The following CNTN1 variants were observed in gnomAD, a reference collection of about 807,000 sequenced individuals.
The protein encoded by CNTN1 is contactin-1.
Under a neutral mutation model 126.4 loss-of-function variants are expected in CNTN1, and 38 were observed. That is an observed-to-expected ratio of 0.30 (90% CI 0.23 to 0.39). The LOEUF (loss-of-function observed/expected upper bound fraction) is 0.39, where lower values mean the gene tolerates loss of function less well. CNTN1 is among the 10% of genes least tolerant of loss of function. The pLI, the probability that CNTN1 is intolerant of heterozygous loss-of-function variation, is 1.00. For missense variants in CNTN1, 1,009 were observed against 1,248.4 expected, an observed-to-expected ratio of 0.81 and a Z score of 2.89; for synonymous variants, 413 against 422.6, an observed-to-expected ratio of 0.98 and a Z score of 0.28.
chr12:41,042,843 C>T (rs947548506), intron 23 of CNTN1, among the ~76,000 whole-genome samples: 6 of 151,948 alleles, frequency 3.9e-5, no homozygotes, highest in Non-Finnish European at 8.8e-5. Flanking sequence ...AGAAATAATG[C>T]CGCATATCTA....
intron 1 of CNTN1, among the ~76,000 whole-genome samples, chr12:40,787,501 C>T (rs1355338791): frequency 6.6e-6 from 1 of 152,056 alleles, no homozygotes; most frequent in Non-Finnish European, 1.5e-5. Context: ...TTCCTCATCA[C>T]TTGTATTAGA....
intron 1 of CNTN1, among the ~76,000 whole-genome samples, chr12:40,852,799 A>G (rs558578129): frequency 1.5e-4 from 23 of 151,952 alleles, no homozygotes; most frequent in Middle Eastern, 3.4e-3. Flanking sequence ...TATTATTTCT[A>G]TTCTTACAAT....
rs369279825 is a variant in CNTN1 at position 41,051,602 on chromosome 12, G to A, written c.2981-18357G>A. Among the ~76,000 whole-genome samples the A allele has an allele frequency of 1.2e-4, 18 of 151,990 alleles. No homozygotes were observed. The South Asian group carries it at 3.7e-3, about 32-fold the overall frequency. ...TATTATATTATTCTACAATTGTTGA[G>A]GATATATTTCTATAAAACACATACA... On this transcript the variant is annotated intron_variant, in intron 23 of 23. Transcript: ENST00000551295.
At chr12:40,695,170 A>T (rs936506501) in intron 1 of CNTN1, among the ~76,000 whole-genome samples, 1 of 152,214 alleles carries the variant, frequency 6.6e-6, no homozygotes, top group South Asian at 2.1e-4. Context: ...ATACCCCACC[A>T]CATTGAACAC....
At chr12:40,738,003 AG>A (rs1176033718) in intron 1 of CNTN1, among the ~76,000 whole-genome samples, 1 of 152,054 alleles carries the variant, frequency 6.6e-6, no homozygotes, top group East Asian at 1.9e-4. Context: ...AAATACATAG[AG>A]ACTGAAATTA....
At chr12:40,723,932 T>C (rs775026753) in intron 1 of CNTN1, among the ~76,000 whole-genome samples, 7 of 152,012 alleles carry the variant, frequency 4.6e-5, no homozygotes, top group Admixed American at 2.0e-4. Flanking sequence ...CTCCTTCCAA[T>C]AGAAAGAGAA....
At chr12:40,714,863 C>A (rs1942009303) in intron 1 of CNTN1, among the ~76,000 whole-genome samples, 1 of 151,948 alleles carries the variant, frequency 6.6e-6, no homozygotes, top group Admixed American at 6.6e-5. Flanking sequence ...GTGATCCACT[C>A]AAAAATAGAC....
At chr12:40,701,108 G>A (rs528129274) in intron 1 of CNTN1, among the ~76,000 whole-genome samples, 21 of 152,274 alleles carry the variant, frequency 1.4e-4, no homozygotes, top group Middle Eastern at 3.4e-3. Context: ...GTGAGTCACG[G>A]TTTAAAATGC....
chr12:40,924,546 T>G lies in CNTN1; in HGVS notation c.401-11T>G. ...AGAGTGAATGTTTCTCTTTTTTTCT[T>G]TCGTAATTAGATCTTGATCCTTTCC... On this transcript the variant is annotated splice_polypyrimidine_tract_variant and intron_variant, in intron 5 of 23. Transcript: ENST00000551295. 1 of 1,448,500 alleles carries G rather than the reference T, an allele frequency of 6.9e-7. No homozygotes were observed. The highest frequency in any genetic ancestry group is 9.7e-7 in the Non-Finnish European group (1 of 1,031,048). The allele number at this position is 1,448,500 out of a possible 1,614,324, so 89.7% of individuals were successfully genotyped here.
At chr12:40,756,144 T>A (rs73110883) in intron 1 of CNTN1, among the ~76,000 whole-genome samples, 21,489 of 152,020 alleles carry the variant, frequency 0.14, 1,716 homozygotes, top group African/African-American at 0.19. Flanking sequence ...TATAATGAAG[T>A]GATTTTTGTA....
chr12:40,748,873 A>G (rs1938286222), intron 1 of CNTN1, among the ~76,000 whole-genome samples: 1 of 152,126 alleles, frequency 6.6e-6, no homozygotes, highest in South Asian at 2.1e-4. Flanking sequence ...TGCTTTGACA[A>G]TAAGCAGTAG....
rs576068905 is a variant in CNTN1, at chr12:40,922,505, A to G, written c.400+77A>G. ...GCAAGAAGAACAATCAGGAAAGGAT[A>G]GTGAGAGGAAGGCATCATAGATGAG... On this transcript the variant is annotated intron_variant, in intron 5 of 23. Transcript: ENST00000551295. 85 of 1,335,744 alleles carry G rather than the reference A, an allele frequency of 6.4e-5. 1 individual carries two copies. In the South Asian group the frequency reaches 8.2e-4, roughly 13 times the overall value. The allele number at this position is 1,335,744 out of a possible 1,614,324, so 82.7% of individuals were successfully genotyped here. A position where few individuals can be genotyped will look rare whatever the true frequency, so the allele number is the denominator to read the frequency against.
intron 7 of CNTN1, among the ~76,000 whole-genome samples, chr12:40,930,822 C>T (rs1945857008): frequency 6.6e-6 from 1 of 151,910 alleles, no homozygotes; most frequent in African/African-American, 2.4e-5. Context: ...TGCAAGGCAA[C>T]ACTCACATAA....
At position 40,857,090 on chromosome 12, in the gene CNTN1, G is replaced by T. The variant is rs563468353; in HGVS notation, c.-76-51267G>T. ...AAGGGGTACATAACTTTTTAAGGGG[G>T]TTTTGTAGGCAAAAACTTTGAAGAC... On this transcript the variant is annotated intron_variant, in intron 1 of 23. Coordinates refer to ENST00000551295, the MANE Select transcript of CNTN1 (RefSeq NM_001843.4). 7.2e-4 allele frequency among the ~76,000 whole-genome samples: 109 copies of T among 152,218 alleles called. 1 individual carries two copies. The highest frequency in any genetic ancestry group is 2.4e-3 in the African/African-American group (101 of 41,538).
intron 1 of CNTN1, among the ~76,000 whole-genome samples, chr12:40,900,700 C>G (rs2136768633): frequency 2.0e-5 from 3 of 152,256 alleles, no homozygotes; most frequent in Admixed American, 2.0e-4. Flanking sequence ...TTTTAGCAAG[C>G]AAGATTTAGA....
chr12:40,734,440 C>A (rs1311293845), intron 1 of CNTN1, among the ~76,000 whole-genome samples: 2 of 152,024 alleles, frequency 1.3e-5, no homozygotes, highest in African/African-American at 4.8e-5. Context: ...CTGAGCAAGA[C>A]CCTGAAAAGG....
chr12:40,917,638 A>G (rs906718437), intron 3 of CNTN1, among the ~76,000 whole-genome samples: 1 of 152,162 alleles, frequency 6.6e-6, no homozygotes, highest in Non-Finnish European at 1.5e-5. Context: ...TTGGGCAGAG[A>G]CATTCCAGTG....
intron 23 of CNTN1, among the ~76,000 whole-genome samples, chr12:41,052,608 C>CT (rs1240331759): frequency 6.6e-6 from 1 of 151,812 alleles, no homozygotes; most frequent in Non-Finnish European, 1.5e-5. Context: ...ATCAGAAAGT[C>CT]TTTTTAGAAT....
intron 15 of CNTN1, among the ~76,000 whole-genome samples, chr12:40,969,143 A>G (rs547397363): frequency 6.6e-6 from 1 of 152,116 alleles, no homozygotes; most frequent in Non-Finnish European, 1.5e-5. Flanking sequence ...TTTATTACCT[A>G]TGATTTTTGT....
Sources: allele counts gnomAD v4.1 joint callset (sites outside exome capture counted in the v4.1 genomes callset), GRCh38; gene constraint gnomAD v4.1.1; transcripts MANE v1.5; gene names NCBI Gene and HGNC (gene_info 2026-07-23, HGNC 2026-07-21).